Variants in PREX2 observed in about 807,000 individuals in gnomAD.
PREX2 encodes the protein phosphatidylinositol-3,4,5-trisphosphate dependent Rac exchange factor 2, also known as phosphatidylinositol 3,4,5-trisphosphate-dependent Rac exchanger 2 protein.
A neutral mutation model predicts 203.2 loss-of-function variants in PREX2; 107 were observed. The ratio of observed to expected loss-of-function variants is 0.53; its 90% CI spans 0.45 to 0.62. The LOEUF (loss-of-function observed/expected upper bound fraction) is 0.62, where lower values mean the gene tolerates loss of function less well. PREX2 is among the 20% of genes least tolerant of loss of function. The probability of loss-of-function intolerance (pLI) is 0.00; values close to 1 mark genes in which losing one functional copy is unlikely to be tolerated. For missense variants in PREX2, 1,777 were observed against 1,955.9 expected (o/e 0.91, Z 1.72); for synonymous variants, 672 against 663.6 (o/e 1.01, Z -0.19).
chr8:68,044,419 A>G, intron 7 of PREX2, 68 bp from the exon 8 acceptor site: 2 of 1,141,458 alleles, frequency 1.8e-6, no homozygotes, highest in Non-Finnish European at 2.6e-6. Flanking sequence ...ATTGCCTAAA[A>G]TATATTGTTT....
At chr8:68,165,117 A>T (rs1811735585) in intron 35 of PREX2, among the ~76,000 whole-genome samples, 2 of 151,090 alleles carry the variant, frequency 1.3e-5, no homozygotes, top group African/African-American at 4.9e-5. Context: ...CTGTTTGAGC[A>T]TTTAGAGGAT....
Position 67,952,370 on chromosome 8 carries a change from G to T in PREX2, c.-25G>T. The T allele has an allele frequency of 6.6e-7, 1 of 1,512,892 alleles. No individual in the cohort carries two copies. The highest frequency in any genetic ancestry group is 8.8e-7 in the Non-Finnish European group (1 of 1,132,306). The allele number at this position is 1,512,892 out of a possible 1,614,324, so 93.7% of individuals were successfully genotyped here. ...GTCAGCGCTCAGCACGGCGGGCAGCGCCGCGCTGCGCACCGCCGCCGACCA... is the reference window on the plus strand; with the variant it reads ...GTCAGCGCTCAGCACGGCGGGCAGCTCCGCGCTGCGCACCGCCGCCGACCA... On this transcript the variant is annotated 5_prime_UTR_variant, in exon 1 of 40. Coordinates refer to ENST00000288368, the MANE Select transcript of PREX2 (RefSeq NM_024870.4).
rs79386005 is a variant in PREX2, at chr8:67,973,184, A to G, written c.141+20649A>G. On this transcript the variant is annotated intron_variant, in intron 1 of 39. Coordinates refer to ENST00000288368, the MANE Select transcript of PREX2 (RefSeq NM_024870.4). ...TTAGGGGTGATACGGCAATAAAAGT[A>G]TGGGCAGACTGATATCCGTCCAACA... 9.0e-3 allele frequency among the ~76,000 whole-genome samples: 1,373 copies of G among 152,314 alleles called. 14 individuals are homozygous for G. The highest frequency in any genetic ancestry group is 0.031 in the African/African-American group (1,283 of 41,574).
At chr8:67,998,804 C>T (rs190842636) in intron 1 of PREX2, among the ~76,000 whole-genome samples, 2 of 152,226 alleles carry the variant, frequency 1.3e-5, no homozygotes, top group Non-Finnish European at 2.9e-5. Context: ...ATTTAAAATT[C>T]CCGAAAACTT....
At position 68,206,095 on chromosome 8, in the gene PREX2, G is replaced by A. The variant is rs565769655; in HGVS notation, c.4605-11521G>A. 5.9e-5 allele frequency among the ~76,000 whole-genome samples: 9 copies of A among 152,230 alleles called. No homozygotes were observed. In the East Asian group the frequency reaches 7.7e-4, roughly 13 times the overall value. On this transcript the variant is annotated intron_variant, in intron 37 of 39. Coordinates refer to ENST00000288368, the MANE Select transcript of PREX2 (RefSeq NM_024870.4). The stretch of plus-strand genomic sequence containing the variant: ...CTAAATATATTAATCTACGTGATTC[G>A]AATTTGGTAGAGTAGAAAGAGTCCT...
intron 1 of PREX2, among the ~76,000 whole-genome samples, chr8:68,009,710 TAA>T (rs770916506): frequency 2.3e-4 from 35 of 152,374 alleles, no homozygotes; most frequent in African/African-American, 8.2e-4. Flanking sequence ...CATCTGACAT[TAA>T]GTTTGTTTAC....
In PREX2 at chr8:68,017,861, A is replaced by G. The variant is rs776388549; in HGVS notation, c.157A>G (p.Met53Val). 2 of 1,612,702 alleles carry G rather than the reference A, an allele frequency of 1.2e-6. No individual in the cohort carries two copies. The highest frequency in any genetic ancestry group is 1.3e-5 in the African/African-American group (1 of 75,014). ...TTTCATGCAGGCATTCTTACACAGA[A>G]TGAACCAGTGTGCAGCATCAAAAGT... The part of the protein sequence containing the change: ...EFLVSAFLHR[M>V]NQCAASKVDK... The change falls in exon 2 of 40, where the codon ATG (methionine) becomes GTG (valine). Residue 53 changes from methionine to valine, a missense_variant. Transcript: ENST00000288368.
intron 37 of PREX2, among the ~76,000 whole-genome samples, chr8:68,206,692 A>G (rs923520304): frequency 1.3e-5 from 2 of 152,200 alleles, no homozygotes; most frequent in East Asian, 3.8e-4. Context: ...TTTAAAAAGA[A>G]TTAGACGTTT....
chr8:68,077,986 A>G (rs560120311), intron 15 of PREX2, among the ~76,000 whole-genome samples: 8 of 152,182 alleles, frequency 5.3e-5, no homozygotes, highest in African/African-American at 1.9e-4. Context: ...TTGTCTGATG[A>G]TTTCAAGTAA....
intron 22 of PREX2, among the ~76,000 whole-genome samples, chr8:68,099,302 T>G (rs1043386348): frequency 6.6e-6 from 1 of 152,056 alleles, no homozygotes; most frequent in East Asian, 1.9e-4. Flanking sequence ...TTCTACCAAA[T>G]TGAGAAAAAA....
chr8:68,056,176 G>A (rs574510988), intron 10 of PREX2, among the ~76,000 whole-genome samples: 2 of 152,214 alleles, frequency 1.3e-5, no homozygotes, highest in African/African-American at 2.4e-5. Flanking sequence ...TAAGGCATCC[G>A]TCCATTCATT....
Position 68,053,178 on chromosome 8 carries a change from T to C in PREX2, c.1025T>C (p.Met342Thr). 6.2e-7 allele frequency: 1 copy of C among 1,613,772 alleles called. No individual in the cohort carries two copies. Among genetic ancestry groups the C allele is most frequent in the Non-Finnish European group, 8.5e-7 (1 of 1,179,760 alleles). The change falls in exon 9 of 40, where the codon ATG becomes ACG. Residue 342 changes from methionine to threonine, a missense_variant. Physicochemically the swap from Met to Thr is moderately conservative, Grantham distance 81 (BLOSUM62 -1). Transcript: ENST00000288368. Reference sequence around the variant, plus strand: ...GCAAAAAATAAATGGTTTGTTTGTATGGCAAAAACACCTGAAGAGAAGCAT... The same window carrying C: ...GCAAAAAATAAATGGTTTGTTTGTACGGCAAAAACACCTGAAGAGAAGCAT... The part of the protein sequence containing the change: ...NTAKNKWFVC[M>T]AKTPEEKHEW...
chr8:68,045,113 T>C (rs1808311959), intron 8 of PREX2, among the ~76,000 whole-genome samples: 1 of 152,088 alleles, frequency 6.6e-6, no homozygotes, highest in Non-Finnish European at 1.5e-5. Flanking sequence ...TACTCAAAGG[T>C]AGTAACTTTT....
chr8:68,008,322 C>A (rs947620181), intron 1 of PREX2, among the ~76,000 whole-genome samples: 3 of 151,968 alleles, frequency 2.0e-5, no homozygotes, highest in Admixed American at 6.6e-5. Context: ...TTACTTTATA[C>A]GAATTCCCTT....
At chr8:67,987,632 C>G (rs546339502) in intron 1 of PREX2, among the ~76,000 whole-genome samples, 1 of 152,200 alleles carries the variant, frequency 6.6e-6, no homozygotes, top group East Asian at 1.9e-4. Context: ...TCACACAGAT[C>G]TGGTAGCTTC....
At chr8:67,997,372 A>G (rs575653476) in intron 1 of PREX2, among the ~76,000 whole-genome samples, 2 of 152,226 alleles carry the variant, frequency 1.3e-5, no homozygotes, top group African/African-American at 2.4e-5. Flanking sequence ...GTGCATACAT[A>G]CTGTGATTGT....
intron 18 of PREX2, among the ~76,000 whole-genome samples, chr8:68,087,332 A>G (rs1809722754): frequency 6.6e-6 from 1 of 152,100 alleles, no homozygotes. Flanking sequence ...GATGAGCTTG[A>G]GCAATGTAGG....
chr8:68,175,208 C>T (rs1386264687), intron 35 of PREX2, among the ~76,000 whole-genome samples: 1 of 152,108 alleles, frequency 6.6e-6, no homozygotes, highest in Non-Finnish European at 1.5e-5. Context: ...AGTGGAGAAG[C>T]TGTTTCAGAG....
At chr8:68,139,910 A>G (rs1178575379) in intron 33 of PREX2, among the ~76,000 whole-genome samples, 1 of 152,178 alleles carries the variant, frequency 6.6e-6, no homozygotes, top group Non-Finnish European at 1.5e-5. Context: ...AGAATAGGAT[A>G]TATTTTCATT....
Sources: allele counts gnomAD v4.1 joint callset (sites outside exome capture counted in the v4.1 genomes callset), GRCh38; gene constraint gnomAD v4.1.1; transcripts MANE v1.5; gene names NCBI Gene and HGNC (gene_info 2026-07-23, HGNC 2026-07-21).